Variants in ZNF536 observed in about 807,000 individuals in gnomAD.
ZNF536 encodes the protein zinc finger protein 536.
A neutral mutation model predicts 84.5 loss-of-function variants in ZNF536; 13 were observed. The observed-to-expected ratio is 0.15, with a 90% CI of 0.10 to 0.24. ZNF536 has a LOEUF of 0.24. ZNF536 is among the 10% of genes least tolerant of loss of function. ZNF536 has a pLI of 1.00. For synonymous variants in ZNF536, 811 were observed against 742.5 expected (o/e 1.09, Z -1.50); for missense variants, 1,536 against 1,747.5 (o/e 0.88, Z 2.16).
chr19:30,370,983 T>C (rs181831650), upstream of ZNF536, among the ~76,000 whole-genome samples: 30 of 152,370 alleles, frequency 2.0e-4, no homozygotes, highest in Non-Finnish European at 4.1e-4. Context: ...TTCAAGAAGC[T>C]GTTATGGTAT....
chr19:30,294,544 C>G (rs1308227891), intron 2 of ZNF536, among the ~76,000 whole-genome samples: 1 of 127,300 alleles, frequency 7.9e-6, no homozygotes, highest in African/African-American at 3.2e-5. Flanking sequence ...TCTCTAGGCC[C>G]CAATATGTGT....
At chr19:30,603,832 G>A (rs959203275) in intron 1 of ZNF536, among the ~76,000 whole-genome samples, 9 of 152,302 alleles carry the variant, frequency 5.9e-5, no homozygotes, top group African/African-American at 1.9e-4. Flanking sequence ...GCTCATGCCT[G>A]TAATCCCAGC....
Position 30,691,669 on chromosome 19 carries a change from A to G in ZNF536, c.170-19088A>G, listed in dbSNP as rs117213968. Among the ~76,000 whole-genome samples the G allele has an allele frequency of 6.6e-3, 1,006 of 152,222 alleles. 6 individuals are homozygous for G. The highest frequency in any genetic ancestry group is 0.017 in the Middle Eastern group (5 of 294). ...ATTGTGAAGTCTTTGTCTCCTTGCT[A>G]AAATCTCTAATCTAAAACAGGCAAT... On this transcript the variant is annotated intron_variant, in intron 1 of 1. Coordinates refer to the ZNF536 transcript ENST00000592773.
chr19:30,493,376 AG>A (rs1479716638), intron 2 of ZNF536, among the ~76,000 whole-genome samples: 1 of 152,178 alleles, frequency 6.6e-6, no homozygotes, highest in Non-Finnish European at 1.5e-5. Flanking sequence ...ACAAGGCAGT[AG>A]GCTTAATAGA....
chr19:30,514,839 A>G (rs1369300590), intron 2 of ZNF536, among the ~76,000 whole-genome samples: 3 of 152,124 alleles, frequency 2.0e-5, no homozygotes, highest in African/African-American at 4.8e-5. Flanking sequence ...AGAGCTCAGT[A>G]TCAGGAATCC....
At chr19:30,697,167 C>G (rs1456909521) in intron 1 of ZNF536, among the ~76,000 whole-genome samples, 2 of 152,098 alleles carry the variant, frequency 1.3e-5, no homozygotes, top group Non-Finnish European at 2.9e-5. Context: ...CTTTTAAAAC[C>G]ATCAGCACTC....
intron 1 of ZNF536, among the ~76,000 whole-genome samples, chr19:30,241,915 C>T (rs772200546): frequency 5.9e-5 from 9 of 152,172 alleles, no homozygotes; most frequent in Non-Finnish European, 1.0e-4. Flanking sequence ...AAGAAGTCAG[C>T]AGAGAACAAG....
intron 1 of ZNF536, among the ~76,000 whole-genome samples, chr19:30,688,135 G>A (rs1381952983): frequency 6.6e-6 from 1 of 152,072 alleles, no homozygotes; most frequent in Non-Finnish European, 1.5e-5. Flanking sequence ...GAGCCCCACC[G>A]GTTCAGTCCA....
intron 4 of ZNF536, chr19:30,554,746 C>T (rs1244028987): frequency 6.6e-6 from 1 of 152,204 alleles, no homozygotes; most frequent in Non-Finnish European, 1.5e-5. Flanking sequence ...CGTTCTATTA[C>T]AACTTTAGGT....
At chr19:30,533,694 C>A (rs150511744) in intron 2 of ZNF536, among the ~76,000 whole-genome samples, 1 of 152,176 alleles carries the variant, frequency 6.6e-6, no homozygotes, top group South Asian at 2.1e-4. Flanking sequence ...CTCTGCAGAA[C>A]CCGCAGATCT....
In ZNF536 at chr19:30,410,141, C is replaced by T. The variant is rs77153572; in HGVS notation, c.-2-33420C>T. Among the ~76,000 whole-genome samples, 119 of 152,130 alleles carry T rather than the reference C, an allele frequency of 7.8e-4. 3 individuals carry two copies. The East Asian group carries it at 0.02, about 25-fold the overall frequency. Reference sequence around the variant, plus strand: ...TTAAATCTTTTAATGTATTCCTTTACTTTTTAGTGCCATGCTTTGAAAATG... The same window carrying T: ...TTAAATCTTTTAATGTATTCCTTTATTTTTTAGTGCCATGCTTTGAAAATG... On this transcript the variant is annotated intron_variant, in intron 1 of 4. Coordinates refer to ENST00000355537, the MANE Select transcript of ZNF536 (RefSeq NM_014717.3).
intron 1 of ZNF536, among the ~76,000 whole-genome samples, chr19:30,691,742 C>G (rs532155401): frequency 1.3e-5 from 2 of 149,902 alleles, no homozygotes; most frequent in East Asian, 3.9e-4. Flanking sequence ...GTTTTAAAAG[C>G]AAAGAAAAAA....
At chr19:30,268,225 A>G (rs1410170130) in intron 1 of ZNF536, among the ~76,000 whole-genome samples, 1 of 152,048 alleles carries the variant, frequency 6.6e-6, no homozygotes, top group African/African-American at 2.4e-5. Context: ...ATCAGGACCC[A>G]CTTTAGTGGT....
rs532305277 is a variant in ZNF536 at position 30,653,646 on chromosome 19, G to A, written c.170-57111G>A. On this transcript the variant is annotated intron_variant, in intron 1 of 1. Transcript: ENST00000592773. ...AGCAGAGGATGGAAGAGAGGTGGGA[G>A]CCACTCCCTTAGGAGCAGGGGACGG... 6.7e-5 allele frequency among the ~76,000 whole-genome samples: 10 copies of A among 148,670 alleles called. No homozygotes were observed. In the East Asian group the frequency reaches 1.9e-3, roughly 29 times the overall value.
chr19:30,608,127 G>C (rs758524179), intron 1 of ZNF536, among the ~76,000 whole-genome samples: 1 of 152,168 alleles, frequency 6.6e-6, no homozygotes, highest in African/African-American at 2.4e-5. Context: ...AATTGCAATT[G>C]ATTTTTTGAA....
At chr19:30,600,124 C>CT (rs36110072) in intron 1 of ZNF536, among the ~76,000 whole-genome samples, 152,036 of 152,088 alleles carry the variant, frequency 1, 75,992 homozygotes, top group African/African-American at 1. Flanking sequence ...GAGTTTCTCT[C>CT]GTCTGTTGCC....
chr19:30,578,950 G>A (rs1020808940), intron 1 of ZNF536, among the ~76,000 whole-genome samples: 3 of 152,208 alleles, frequency 2.0e-5, no homozygotes, highest in East Asian at 3.9e-4. Flanking sequence ...TACTGCTGGA[G>A]GCTGTGACCT....
chr19:30,360,547 G>A (rs1369614980), intron 3 of ZNF536, among the ~76,000 whole-genome samples: 1 of 152,236 alleles, frequency 6.6e-6, no homozygotes, highest in African/African-American at 2.4e-5. Context: ...AGATGGGAGT[G>A]TCTGACGCCA....
intron 1 of ZNF536, among the ~76,000 whole-genome samples, chr19:30,259,834 C>A (rs2025106701): frequency 6.6e-6 from 1 of 152,072 alleles, no homozygotes; most frequent in Non-Finnish European, 1.5e-5. Context: ...CTCACTGCAA[C>A]CTCCACCTCC....
Sources: allele counts gnomAD v4.1 joint callset (sites outside exome capture counted in the v4.1 genomes callset), GRCh38; gene constraint gnomAD v4.1.1; transcripts MANE v1.5; gene names NCBI Gene and HGNC (gene_info 2026-07-23, HGNC 2026-07-21).